The following TEAD1 variants were observed in gnomAD, a reference collection of about 807,000 sequenced individuals.
TEAD1 encodes transcriptional enhancer factor TEF-1.
A neutral mutation model predicts 54.9 loss-of-function variants in TEAD1; 9 were observed. That is an observed-to-expected ratio of 0.16 (90% CI 0.10 to 0.29). The LOEUF is 0.29. TEAD1 is among the 10% of genes least tolerant of loss of function. The pLI is 1.00. For missense variants in TEAD1, 387 were observed against 535.9 expected (o/e 0.72, Z 2.74); for synonymous variants, 200 against 187.8 (o/e 1.07, Z -0.53).
At chr11:12,841,250 G>A (rs916945306) in intron 3 of TEAD1, among the ~76,000 whole-genome samples, 2 of 152,182 alleles carry the variant, frequency 1.3e-5, no homozygotes, top group African/African-American at 4.8e-5. Flanking sequence ...TGTAAGCTCA[G>A]TGGGTACAGA....
chr11:12,796,852 T>C (rs1279226140), intron 3 of TEAD1, among the ~76,000 whole-genome samples: 2 of 152,084 alleles, frequency 1.3e-5, no homozygotes, highest in Non-Finnish European at 2.9e-5. Flanking sequence ...TAGCTCATGC[T>C]TGTAATCCCA....
At chr11:12,821,262 A>G (rs1946539380) in intron 3 of TEAD1, among the ~76,000 whole-genome samples, 1 of 152,162 alleles carries the variant, frequency 6.6e-6, no homozygotes, top group Admixed American at 6.5e-5. Flanking sequence ...GTGATTTGCC[A>G]TTTCTTATAT....
chr11:12,932,527 A>G (rs775190534), intron 12 of TEAD1, among the ~76,000 whole-genome samples: 1 of 152,134 alleles, frequency 6.6e-6, no homozygotes, highest in South Asian at 2.1e-4. Context: ...GCTAAGATAA[A>G]TGTGGCCTGG....
At chr11:12,679,353 A>G (rs1308055045) in intron 2 of TEAD1, among the ~76,000 whole-genome samples, 1 of 152,180 alleles carries the variant, frequency 6.6e-6, no homozygotes, top group South Asian at 2.1e-4. Context: ...TTTAATTTGC[A>G]GGCATGGGAC....
At chr11:12,885,405 T>C (rs1948067704) in intron 9 of TEAD1, among the ~76,000 whole-genome samples, 2 of 151,818 alleles carry the variant, frequency 1.3e-5, no homozygotes, top group African/African-American at 4.8e-5. Flanking sequence ...CTGGCTAATT[T>C]TTTTTGTATT....
intron 2 of TEAD1, among the ~76,000 whole-genome samples, chr11:12,686,231 A>G (rs143857882): frequency 6.4e-4 from 97 of 152,354 alleles, no homozygotes; most frequent in African/African-American, 2.2e-3. Flanking sequence ...AAACTGGCAG[A>G]CTAGACTTTT....
intron 9 of TEAD1, among the ~76,000 whole-genome samples, chr11:12,884,594 C>T (rs570809919): frequency 6.6e-6 from 1 of 152,276 alleles, no homozygotes; most frequent in African/African-American, 2.4e-5. Flanking sequence ...GGAGAACCCA[C>T]ATGTGGCCCA....
chr11:12,836,162 T>A (rs948215791), intron 3 of TEAD1, among the ~76,000 whole-genome samples: 6 of 152,176 alleles, frequency 3.9e-5, no homozygotes, highest in African/African-American at 1.4e-4. Context: ...GGCTCACGCC[T>A]GTAATCCCAG....
rs768986595 is a variant in TEAD1, at chr11:12,864,616, T to TG, written c.268-222_268-221insG. The TG allele has an allele frequency of 2.4e-3, 3,025 of 1,251,448 alleles. 16 individuals carry two copies. The highest frequency in any genetic ancestry group is 2.9e-3 in the Admixed American group (95 of 32,792). The allele number at this position is 1,251,448 out of a possible 1,614,324, so 77.5% of individuals were successfully genotyped here. A position where few individuals can be genotyped will look rare whatever the true frequency, so the allele number is the denominator to read the frequency against. ...AGTAGCGATTTTATATTTGATTTCC[T>TG]TTTTTGTTTTGTTTTGTTTTGTTTT... On this transcript the variant is annotated intron_variant, in intron 4 of 12. Coordinates refer to ENST00000527636, the MANE Select transcript of TEAD1 (RefSeq NM_021961.6).
At chr11:12,814,672 A>G (rs925428522) in intron 3 of TEAD1, among the ~76,000 whole-genome samples, 2 of 152,200 alleles carry the variant, frequency 1.3e-5, no homozygotes, top group Non-Finnish European at 2.9e-5. Flanking sequence ...CCCTAATAGC[A>G]GCAAGGGCGA....
intron 3 of TEAD1, among the ~76,000 whole-genome samples, chr11:12,853,224 G>A (rs1247370680): frequency 6.6e-6 from 1 of 152,100 alleles, no homozygotes; most frequent in Non-Finnish European, 1.5e-5. Context: ...ACCTTAGCAT[G>A]GCAGGGTGGG....
chr11:12,714,611 T>G (rs1323751112), intron 2 of TEAD1, among the ~76,000 whole-genome samples: 2 of 152,206 alleles, frequency 1.3e-5, no homozygotes, highest in Non-Finnish European at 2.9e-5. Context: ...ATTCATTTAT[T>G]TAGTCATTCA....
At chr11:12,916,209 T>C (rs1200721506) in intron 10 of TEAD1, among the ~76,000 whole-genome samples, 1 of 152,150 alleles carries the variant, frequency 6.6e-6, no homozygotes, top group Non-Finnish European at 1.5e-5. Context: ...TTTGAGAAAT[T>C]TATACCTGTT....
intron 12 of TEAD1, among the ~76,000 whole-genome samples, chr11:12,933,643 A>C (rs554532574): frequency 6.6e-6 from 1 of 152,276 alleles, no homozygotes; most frequent in African/African-American, 2.4e-5. Flanking sequence ...GGGAGGGCCA[A>C]CTGTATTCTT....
At chr11:12,847,061 C>T (rs564679240) in intron 3 of TEAD1, among the ~76,000 whole-genome samples, 39 of 152,324 alleles carry the variant, frequency 2.6e-4, no homozygotes, top group African/African-American at 8.7e-4. Context: ...ATCCCCAGTG[C>T]CTGCCAACAC....
chr11:12,745,806 C>T (rs1590108342), intron 2 of TEAD1, among the ~76,000 whole-genome samples: 1 of 151,952 alleles, frequency 6.6e-6, no homozygotes, highest in Middle Eastern at 3.4e-3. Context: ...ATCTACCTTT[C>T]ACCACCTTCA....
chr11:12,808,990 TG>T (rs1256492062), intron 3 of TEAD1, among the ~76,000 whole-genome samples: 1 of 152,174 alleles, frequency 6.6e-6, no homozygotes, highest in Non-Finnish European at 1.5e-5. Flanking sequence ...GGTTTGGAAT[TG>T]GGAATTTTCA....
intron 9 of TEAD1, among the ~76,000 whole-genome samples, chr11:12,888,140 G>C (rs1230131475): frequency 6.6e-6 from 1 of 152,210 alleles, no homozygotes; most frequent in Admixed American, 6.5e-5. Flanking sequence ...TACAGAAGAG[G>C]CTTGGAGAGA....
chr11:12,802,674 C>G lies in TEAD1; in HGVS notation c.202+38240C>G, dbSNP rs1176532217. ...TCCAGGTCAAGATGAAGAAAACACA[C>G]TTTTGTCATTTCTTCAGGCATGTGG... On this transcript the variant is annotated intron_variant, in intron 3 of 12. Transcript: ENST00000527636. 2.0e-5 allele frequency among the ~76,000 whole-genome samples: 3 copies of G among 152,218 alleles called. No individual in the cohort carries two copies. The East Asian group carries it at 5.8e-4, about 29-fold the overall frequency.
Sources: gnomAD v4.1 joint callset for allele counts (sites outside exome capture counted in the v4.1 genomes callset) on GRCh38, gnomAD v4.1.1 for gene constraint, MANE v1.5 for transcripts, NCBI Gene and HGNC (gene_info 2026-07-23, HGNC 2026-07-21) for gene names.